Variants in WIPF1 observed in about 807,000 individuals in gnomAD.
WIPF1 encodes WAS/WASL-interacting protein family member 1.
A neutral mutation model predicts 35.4 loss-of-function variants in WIPF1; 13 were observed. The ratio of observed to expected loss-of-function variants is 0.37; its 90% CI spans 0.24 to 0.58. WIPF1 has a LOEUF of 0.58. WIPF1 is among the 20% of genes least tolerant of loss of function. The pLI, the probability that WIPF1 is intolerant of heterozygous loss-of-function variation, is 0.74. For synonymous variants in WIPF1, 267 were observed against 266.3 expected (o/e 1.00, Z -0.02); for missense variants, 591 against 667.0 (o/e 0.89, Z 1.25).
upstream of WIPF1, among the ~76,000 whole-genome samples, chr2:174,598,652 C>T (rs1373802353): frequency 6.6e-6 from 1 of 152,060 alleles, no homozygotes; most frequent in Non-Finnish European, 1.5e-5. Context: ...TTTTGGTGCC[C>T]AAGTCAGGGT....
intron 1 of WIPF1, among the ~76,000 whole-genome samples, chr2:174,648,743 T>TA (rs1350815989): frequency 2.0e-5 from 3 of 152,200 alleles, no homozygotes; most frequent in Non-Finnish European, 2.9e-5. Context: ...TCCAGTGTGC[T>TA]ATGGAATGTA....
rs575998263 is a variant in WIPF1 at position 174,578,499 on chromosome 2, A to G, written c.181+2811T>C. On this transcript the variant is annotated intron_variant, in intron 3 of 7. Transcript: ENST00000679041. ...TTTTTATCTTTTCCCTTGCTCATTG[A>G]GGTTTCCTGAATAAATATATGCTTT... 8.2e-4 allele frequency among the ~76,000 whole-genome samples: 125 copies of G among 152,354 alleles called. 4 individuals carry two copies. Among genetic ancestry groups the G allele is most frequent in the African/African-American group, 2.9e-3 (120 of 41,592 alleles).
chr2:174,595,110 ATATATATATATAT>A lies in WIPF1; in HGVS notation c.-39+2478_-39+2490del, dbSNP rs1431578011. ...CTACAAAAAAAAAAAAAAAAAAAAA[ATATATATATATAT>A]ATATATATATATATATAATTAACTG... On this transcript the variant is annotated intron_variant, in intron 1 of 7. Transcript: ENST00000679041. Among the ~76,000 whole-genome samples, 16 of 30,762 alleles carry A rather than the reference ATATATATATATAT, an allele frequency of 5.2e-4. 1 individual carries two copies. The East Asian group carries it at 9.9e-3, about 19-fold the overall frequency. The allele number at this position is 30,762 out of a possible 152,430, so 20.2% of individuals were successfully genotyped here.
At chr2:174,670,830 T>C (rs974702982) in intron 1 of WIPF1, among the ~76,000 whole-genome samples, 5 of 152,202 alleles carry the variant, frequency 3.3e-5, no homozygotes, top group African/African-American at 7.2e-5. Flanking sequence ...GCTGCCATCA[T>C]AGTGAATGCC....
intron 1 of WIPF1, among the ~76,000 whole-genome samples, chr2:174,611,641 T>C (rs1487354813): frequency 6.6e-6 from 1 of 152,182 alleles, no homozygotes; most frequent in African/African-American, 2.4e-5. Context: ...GTCCCCCAAA[T>C]ATTTCTTACC....
rs1686710611 is a variant in WIPF1 at position 174,622,633 on chromosome 2, G to A, written c.-38-37022C>T. ...ATCCCCACTCTCCTATGAGCAGGCT[G>A]ATGGTCACTGCTACCCACTGGTTGT... On this transcript the variant is annotated intron_variant, in intron 1 of 8. Coordinates refer to the WIPF1 transcript ENST00000272746. This position sits in a 1 kb window ranked among gnomAD's most constrained non-coding sequence, Gnocchi z 5.1. Among the ~76,000 whole-genome samples, 1 of 152,210 alleles carries A rather than the reference G, an allele frequency of 6.6e-6. No individual in the cohort carries two copies. The highest frequency in any genetic ancestry group is 1.5e-5 in the Non-Finnish European group (1 of 68,046).
At chr2:174,671,161 G>C (rs1157242717) in intron 1 of WIPF1, among the ~76,000 whole-genome samples, 2 of 152,220 alleles carry the variant, frequency 1.3e-5, no homozygotes, top group African/African-American at 2.4e-5. Flanking sequence ...CATGGCAGAA[G>C]AACATAAGTT....
At chr2:174,613,821 A>C (rs1000044520) in intron 1 of WIPF1, among the ~76,000 whole-genome samples, 1 of 152,202 alleles carries the variant, frequency 6.6e-6, no homozygotes, top group Non-Finnish European at 1.5e-5. Context: ...GTAAGAATGA[A>C]GACTTTTATA....
chr2:174,604,678 T>A (rs948238727), intron 1 of WIPF1, among the ~76,000 whole-genome samples: 4 of 152,234 alleles, frequency 2.6e-5, no homozygotes, highest in Non-Finnish European at 5.9e-5. Context: ...ATGGAGATAG[T>A]CCGAAGAGCT....
At chr2:174,578,924 C>T (rs192379331) in intron 3 of WIPF1, among the ~76,000 whole-genome samples, 7 of 152,304 alleles carry the variant, frequency 4.6e-5, no homozygotes, top group Admixed American at 3.3e-4. Flanking sequence ...TGATGAATGA[C>T]ACATTTTGGA....
chr2:174,577,075 C>T (rs1199717287), intron 3 of WIPF1, among the ~76,000 whole-genome samples: 4 of 152,148 alleles, frequency 2.6e-5, no homozygotes, highest in East Asian at 1.9e-4. Flanking sequence ...ATACATTACA[C>T]ATGCTTTTTG....
In WIPF1 at chr2:174,561,776, T is replaced by G; in HGVS notation, c.*771A>C. 3.5e-6 allele frequency: 1 copy of G among 284,908 alleles called. No individual in the cohort carries two copies. Among genetic ancestry groups the G allele is most frequent in the Non-Finnish European group, 6.7e-6 (1 of 149,276 alleles). The allele number at this position is 284,908 out of a possible 1,614,324, so 17.6% of individuals were successfully genotyped here. On this transcript the variant is annotated 3_prime_UTR_variant, in exon 8 of 8. Coordinates refer to ENST00000679041, the MANE Select transcript of WIPF1 (RefSeq NM_001375834.1). ...CATCTTCCAGACTCGTGCTGTCTAA[T>G]CCAGTAGCCACCAGCCACATGTGGC... is the stretch of plus-strand genomic sequence containing the variant.
In WIPF1 at chr2:174,562,093, G is replaced by A. The variant is rs1220679374; in HGVS notation, c.*454C>T. The stretch of plus-strand genomic sequence containing the variant: ...GACATCCTGTGACTGCAAGTTTCCA[G>A]TGAGCCCTTACTCAGCAGCTTGCTT... On this transcript the variant is annotated 3_prime_UTR_variant, in exon 8 of 8. Transcript: ENST00000679041. The A allele has an allele frequency of 6.4e-7, 1 of 1,550,660 alleles. No individual in the cohort carries two copies.
At chr2:174,575,066 TTA>T (rs1685001931) in intron 4 of WIPF1, 136 bp downstream of exon 4, 5 of 1,008,366 alleles carry the variant, frequency 5.0e-6, no homozygotes, top group Non-Finnish European at 7.7e-6. Context: ...ATTGAGTCTC[TTA>T]TAAAACAGTG....
At chr2:174,601,261 C>T (rs886975277), upstream of WIPF1, among the ~76,000 whole-genome samples, 5 of 152,094 alleles carry the variant, frequency 3.3e-5, no homozygotes, top group African/African-American at 4.8e-5. Flanking sequence ...AGACTGTTCC[C>T]CCTGAAATGG....
chr2:174,629,118 C>G (rs1686935194), intron 1 of WIPF1, among the ~76,000 whole-genome samples: 1 of 152,234 alleles, frequency 6.6e-6, no homozygotes, highest in Non-Finnish European at 1.5e-5. Flanking sequence ...GAGGCTGAGG[C>G]AGGAGAATTG....
At chr2:174,585,392 C>A in intron 2 of WIPF1, 131 bp downstream of exon 2, 1 of 931,106 alleles carries the variant, frequency 1.1e-6, no homozygotes, top group Non-Finnish European at 1.7e-6. Flanking sequence ...TTACCCTGGG[C>A]ACTGGGAAAG....
chr2:174,580,654 T>C (rs1685205974), intron 3 of WIPF1, among the ~76,000 whole-genome samples: 1 of 152,238 alleles, frequency 6.6e-6, no homozygotes. Context: ...AGTAGAATTC[T>C]AGTCATGGAT....
At chr2:174,660,632 GCA>G (rs1687739008) in intron 1 of WIPF1, among the ~76,000 whole-genome samples, 1 of 152,160 alleles carries the variant, frequency 6.6e-6, no homozygotes, top group African/African-American at 2.4e-5. Context: ...ACTGCTTGAG[GCA>G]CAGTGTGTCA....
Sources: gnomAD v4.1 joint callset for allele counts (sites outside exome capture counted in the v4.1 genomes callset) on GRCh38, gnomAD v4.1.1 for gene constraint, Gnocchi (gnomAD v3.1) non-coding constraint, MANE v1.5 for transcripts, NCBI Gene and HGNC (gene_info 2026-07-23, HGNC 2026-07-21) for gene names.